Variants in PTH2R observed in about 807,000 individuals in gnomAD.
PTH2R encodes PTH2 receptor.
PTH2R carries 59 observed loss-of-function variants against 60.3 expected under a neutral mutation model. The ratio of observed to expected loss-of-function variants is 0.98; its 90% confidence interval spans 0.79 to 1.22. The LOEUF is 1.22. PTH2R is among the 50% of genes most tolerant of loss of function. The pLI is 0.00. For synonymous variants in PTH2R, 256 were observed against 243.8 expected (o/e 1.05, Z -0.47); for missense variants, 749 against 682.6 (o/e 1.10, Z -1.08).
chr2:208,493,487 G>A lies in PTH2R; in HGVS notation c.1481G>A (p.Gly494Asp), dbSNP rs201129265. ...RQPDSHITLPGYVWSNSEQDC... is the reference protein window; with the variant it reads ...RQPDSHITLPDYVWSNSEQDC... ...CCTGACAGCCACATCACTTTACCTG[G>A]CTATGTCTGGAGTAACTCAGAGCAG... The change falls in exon 13 of 13, where the codon GGC (glycine) becomes GAC (aspartate). Residue 494 changes from glycine (G) to aspartate (D), a missense_variant. Transcript: ENST00000272847. 1.1e-5 allele frequency: 18 copies of A among 1,612,972 alleles called. No individual in the cohort carries two copies. Among genetic ancestry groups the A allele is most frequent in the African/African-American group, 5.3e-5 (4 of 74,962 alleles).
chr2:208,362,603 T>A (rs1231998143), intron 1 of PTH2R, among the ~76,000 whole-genome samples: 1 of 152,246 alleles, frequency 6.6e-6, no homozygotes, highest in Non-Finnish European at 1.5e-5. Flanking sequence ...CTTCCGCCTT[T>A]TGGCTATCAT....
chr2:208,489,000 G>C lies in PTH2R; in HGVS notation c.1077-12G>C. On this transcript the variant is annotated splice_polypyrimidine_tract_variant and intron_variant, in intron 10 of 12. Transcript: ENST00000272847. ...TAGTTAATGAATGAAAAGACTTGCTGTTCTCCTTTAGGAAACTGGCCAAAT... is the reference window on the plus strand; with the variant it reads ...TAGTTAATGAATGAAAAGACTTGCTCTTCTCCTTTAGGAAACTGGCCAAAT... 6.2e-7 allele frequency: 1 copy of C among 1,613,422 alleles called. No homozygotes were observed.
At chr2:208,360,156 C>T (rs1449158524) in exon 1 of PTH2R, 1 of 453,044 alleles carries the variant, frequency 2.2e-6, no homozygotes, top group Non-Finnish European at 4.4e-6. Flanking sequence ...TTGTCACCAG[C>T]ATAGTGCTTT....
intron 2 of PTH2R, among the ~76,000 whole-genome samples, chr2:208,428,516 GT>G (rs2105854807): frequency 6.6e-6 from 1 of 152,300 alleles, no homozygotes; most frequent in Admixed American, 6.5e-5. Context: ...CTGATAGTGA[GT>G]TTGAGAATAG....
intron 7 of PTH2R, among the ~76,000 whole-genome samples, chr2:208,448,732 A>G (rs1232483393): frequency 6.6e-6 from 1 of 151,306 alleles, no homozygotes; most frequent in Non-Finnish European, 1.5e-5. Flanking sequence ...TAAATTTAAA[A>G]CAACATTTAC....
At chr2:208,470,249 G>C (rs1702853186) in intron 9 of PTH2R, among the ~76,000 whole-genome samples, 1 of 152,176 alleles carries the variant, frequency 6.6e-6, no homozygotes, top group Non-Finnish European at 1.5e-5. Context: ...TTGTCTTTAT[G>C]TAAATATTTC....
intron 9 of PTH2R, among the ~76,000 whole-genome samples, chr2:208,475,462 C>T (rs1212648467): frequency 2.6e-5 from 4 of 152,050 alleles, no homozygotes; most frequent in African/African-American, 9.7e-5. Context: ...GGGTCTGGCA[C>T]TCATTGAGAC....
intron 7 of PTH2R, among the ~76,000 whole-genome samples, chr2:208,446,251 C>A (rs1156467085): frequency 1.3e-5 from 2 of 152,170 alleles, no homozygotes; most frequent in East Asian, 3.8e-4. Context: ...ATCACTCAGT[C>A]TGTCTCTCCT....
intron 2 of PTH2R, among the ~76,000 whole-genome samples, chr2:208,436,750 G>A (rs1702082889): frequency 6.6e-6 from 1 of 152,234 alleles, no homozygotes; most frequent in East Asian, 1.9e-4. Flanking sequence ...TTGGAACTGA[G>A]TCTGGACTGT....
At chr2:208,448,718 C>T (rs1301389939) in intron 7 of PTH2R, among the ~76,000 whole-genome samples, 1 of 149,564 alleles carries the variant, frequency 6.7e-6, no homozygotes, top group Non-Finnish European at 1.5e-5. Context: ...CTTAATTTAA[C>T]ATTTAAATTT....
At chr2:208,451,857 T>G (rs76370539) in intron 8 of PTH2R, among the ~76,000 whole-genome samples, 1,564 of 152,284 alleles carry the variant, frequency 0.01, 24 homozygotes, top group African/African-American at 0.036. Flanking sequence ...TAATGTATCA[T>G]GGTACACCTA....
At chr2:208,488,933 T>A (rs756717847) in intron 10 of PTH2R, 79 bp from the exon 11 acceptor site, 12 of 1,382,012 alleles carry the variant, frequency 8.7e-6, no homozygotes, top group Non-Finnish European at 1.2e-5. Flanking sequence ...TCTGCTAAGT[T>A]TTTTTTTTCC....
intron 1 of PTH2R, among the ~76,000 whole-genome samples, chr2:208,361,975 G>C (rs570396661): frequency 4.0e-4 from 61 of 152,288 alleles, no homozygotes; most frequent in African/African-American, 1.4e-3. Flanking sequence ...ATTTGAATTG[G>C]CAGGCTGAAT....
At chr2:208,436,792 T>C (rs557480419) in intron 2 of PTH2R, among the ~76,000 whole-genome samples, 1 of 152,270 alleles carries the variant, frequency 6.6e-6, no homozygotes, top group South Asian at 2.1e-4. Context: ...TATCTCAGTA[T>C]GTTGCATTCC....
chr2:208,413,071 A>G (rs1701572613), intron 1 of PTH2R, among the ~76,000 whole-genome samples: 1 of 151,946 alleles, frequency 6.6e-6, no homozygotes, highest in African/African-American at 2.4e-5. Flanking sequence ...CTCTTTCTCC[A>G]TAATTTATTT....
At chr2:208,390,726 G>T (rs1346601439) in intron 1 of PTH2R, among the ~76,000 whole-genome samples, 1 of 152,184 alleles carries the variant, frequency 6.6e-6, no homozygotes, top group Non-Finnish European at 1.5e-5. Flanking sequence ...TAGTTCTATT[G>T]CAAATAGTAG....
chr2:208,476,120 A>G (rs1301808586), intron 9 of PTH2R, among the ~76,000 whole-genome samples: 1 of 152,138 alleles, frequency 6.6e-6, no homozygotes, highest in Non-Finnish European at 1.5e-5. Flanking sequence ...TGATAAGTTT[A>G]AAAAATATTA....
At chr2:208,489,202 C>G (rs1703347502) in intron 11 of PTH2R, 52 bp downstream of exon 11, 2 of 1,607,728 alleles carry the variant, frequency 1.2e-6, no homozygotes, top group East Asian at 2.2e-5. Context: ...GTTTTTTTTC[C>G]TTTTGGTCAC....
intron 2 of PTH2R, among the ~76,000 whole-genome samples, chr2:208,434,184 G>T (rs1347527207): frequency 6.6e-6 from 1 of 151,968 alleles, no homozygotes; most frequent in Non-Finnish European, 1.5e-5. Context: ...TGTGGTGGCG[G>T]GTGCCTGTAG....
Sources: allele counts gnomAD v4.1 joint callset (sites outside exome capture counted in the v4.1 genomes callset), GRCh38; gene constraint gnomAD v4.1.1; transcripts MANE v1.5; gene names NCBI Gene and HGNC (gene_info 2026-07-23, HGNC 2026-07-21).